Variants in EYS observed in about 807,000 individuals in gnomAD.
EYS encodes the protein EGF-like photoreceptor maintenance factor.
A neutral mutation model predicts 282.1 loss-of-function variants in EYS; 250 were observed. That is an observed-to-expected ratio of 0.89 (90% CI 0.80 to 0.98). The LOEUF (loss-of-function observed/expected upper bound fraction) is 0.98, where lower values mean the gene tolerates loss of function less well. Among genes scored for constraint, EYS ranks in the 50% least tolerant of loss-of-function variants. The pLI, the probability that EYS is intolerant of heterozygous loss-of-function variation, is 0.00. For synonymous variants in EYS, 1,355 were observed against 1,282.9 expected, an observed-to-expected ratio of 1.06 and a Z score of -1.20; for missense variants, 4,016 against 3,709.0, an observed-to-expected ratio of 1.08 and a Z score of -2.15.
At chr6:65,394,568 G>A (rs989919552) in intron 7 of EYS, among the ~76,000 whole-genome samples, 1 of 152,098 alleles carries the variant, frequency 6.6e-6, no homozygotes, top group Admixed American at 6.6e-5. Flanking sequence ...ATCGAGCTCT[G>A]TGAGCTCCTG....
intron 22 of EYS, among the ~76,000 whole-genome samples, chr6:64,779,200 T>C (rs1045256840): frequency 1.3e-5 from 2 of 152,170 alleles, no homozygotes; most frequent in Non-Finnish European, 2.9e-5. Flanking sequence ...CAAATATGTA[T>C]AGCAGGTTTG....
chr6:64,895,070 C>G lies in EYS; in HGVS notation c.2846+7043G>C, dbSNP rs147475047. 1.2e-3 allele frequency among the ~76,000 whole-genome samples: 181 copies of G among 152,038 alleles called. No individual in the cohort carries two copies. In the East Asian group the frequency reaches 0.027, roughly 23 times the overall value. The stretch of plus-strand genomic sequence containing the variant: ...TGTGGTACTTGTAGTGATTGGTGTC[C>G]CCTTGAAAGGACTGAAAGTTGCAGG... On this transcript the variant is annotated intron_variant, in intron 18 of 42. Coordinates refer to ENST00000503581, the MANE Select transcript of EYS (RefSeq NM_001142800.2).
At chr6:63,755,060 G>A (rs1769442175) in intron 41 of EYS, among the ~76,000 whole-genome samples, 1 of 151,838 alleles carries the variant, frequency 6.6e-6, no homozygotes, top group Non-Finnish European at 1.5e-5. Context: ...TTGTAAATTT[G>A]TTTCAGTTAT....
At chr6:64,649,238 G>T (rs536805269) in intron 22 of EYS, among the ~76,000 whole-genome samples, 30 of 151,996 alleles carry the variant, frequency 2.0e-4, no homozygotes, top group Non-Finnish European at 4.3e-4. Context: ...TTCCAGATTT[G>T]CCACTATTTA....
intron 31 of EYS, among the ~76,000 whole-genome samples, chr6:64,139,495 A>G (rs1363070868): frequency 2.0e-5 from 3 of 152,150 alleles, no homozygotes; most frequent in Non-Finnish European, 2.9e-5. Context: ...CATAGGTAGT[A>G]AGTTATAGTC....
intron 41 of EYS, among the ~76,000 whole-genome samples, chr6:63,739,656 A>G (rs1266150325): frequency 6.6e-6 from 1 of 151,944 alleles, no homozygotes; most frequent in East Asian, 1.9e-4. Flanking sequence ...TTCAACATTG[A>G]CCTTGCTACT....
chr6:64,904,504 C>T (rs1767765139), intron 16 of EYS, among the ~76,000 whole-genome samples: 1 of 152,130 alleles, frequency 6.6e-6, no homozygotes, highest in South Asian at 2.1e-4. Context: ...ATATAAACAA[C>T]TTAGATTCTA....
chr6:65,394,927 G>T (rs1011395151), intron 7 of EYS, among the ~76,000 whole-genome samples: 3 of 152,100 alleles, frequency 2.0e-5, no homozygotes, highest in Non-Finnish European at 4.4e-5. Context: ...TCAAGATGAT[G>T]CCATCAAACC....
intron 20 of EYS, among the ~76,000 whole-genome samples, chr6:64,822,243 A>G (rs1158999302): frequency 1.3e-5 from 2 of 152,006 alleles, no homozygotes; most frequent in Non-Finnish European, 2.9e-5. Context: ...TAGAGTCATA[A>G]AATACTTTTC....
intron 31 of EYS, among the ~76,000 whole-genome samples, chr6:64,215,381 G>A (rs1482363474): frequency 2.6e-5 from 4 of 151,808 alleles, no homozygotes; most frequent in African/African-American, 9.7e-5. Context: ...CAAAAGAAGC[G>A]AAGGGTAAAT....
At chr6:65,536,820 G>T (rs553399258) in intron 2 of EYS, among the ~76,000 whole-genome samples, 26 of 152,092 alleles carry the variant, frequency 1.7e-4, no homozygotes, top group Non-Finnish European at 3.2e-4. Flanking sequence ...ATATTGTCAG[G>T]TTGTTAAACG....
chr6:64,608,014 C>A (rs1019963472), intron 24 of EYS, among the ~76,000 whole-genome samples: 1 of 151,994 alleles, frequency 6.6e-6, no homozygotes, highest in African/African-American at 2.4e-5. Context: ...TAAATAATAA[C>A]GTTTTAATGG....
intron 31 of EYS, among the ~76,000 whole-genome samples, chr6:64,166,828 C>A (rs1046126069): frequency 6.6e-6 from 1 of 152,118 alleles, no homozygotes; most frequent in Non-Finnish European, 1.5e-5. Context: ...AAGTAGCTTG[C>A]TAATGATAAT....
chr6:64,205,209 T>C (rs1483242686), intron 31 of EYS, among the ~76,000 whole-genome samples: 1 of 152,194 alleles, frequency 6.6e-6, no homozygotes, highest in Non-Finnish European at 1.5e-5. Context: ...CCAAAAAAAT[T>C]TGCATAATTC....
chr6:65,440,877 TTTATA>T (rs1290401679), intron 5 of EYS, among the ~76,000 whole-genome samples: 9 of 147,276 alleles, frequency 6.1e-5, no homozygotes, highest in Admixed American at 2.1e-4. Flanking sequence ...ATATTATATA[TTTATA>T]TTATATATGT....
intron 2 of EYS, among the ~76,000 whole-genome samples, chr6:65,596,677 C>T (rs1765417820): frequency 1.3e-5 from 2 of 151,704 alleles, no homozygotes; most frequent in African/African-American, 4.8e-5. Flanking sequence ...GATAATTCTC[C>T]TTATTAATGC....
intron 2 of EYS, among the ~76,000 whole-genome samples, chr6:65,629,746 T>C (rs1766847720): frequency 6.6e-6 from 1 of 152,170 alleles, no homozygotes; most frequent in Admixed American, 6.5e-5. Flanking sequence ...CCTCCTTCTC[T>C]GCTGCAACCT....
intron 12 of EYS, among the ~76,000 whole-genome samples, chr6:65,242,151 C>T (rs948572983): frequency 4.6e-5 from 7 of 151,882 alleles, no homozygotes; most frequent in East Asian, 1.9e-4. Flanking sequence ...ATATAATTCA[C>T]GAACTATACA....
chr6:63,931,289 A>C (rs1469386176), intron 35 of EYS, among the ~76,000 whole-genome samples: 1 of 145,662 alleles, frequency 6.9e-6, no homozygotes, highest in East Asian at 2.0e-4. Flanking sequence ...TGTCAGCACA[A>C]CAGCTCTTTC....
Sources: gnomAD v4.1 joint callset for allele counts (sites outside exome capture counted in the v4.1 genomes callset) on GRCh38, gnomAD v4.1.1 for gene constraint, MANE v1.5 for transcripts, NCBI Gene and HGNC (gene_info 2026-07-23, HGNC 2026-07-21) for gene names.